DNMBP: variants seen among roughly 807,000 people sequenced by gnomAD.
DNMBP encodes the protein dynamin-binding protein.
In DNMBP, 87 loss-of-function variants were observed where a neutral mutation model predicts 150.0. That is an observed-to-expected ratio of 0.58 (90% CI 0.49 to 0.69). The LOEUF is 0.69. Ranked by LOEUF, DNMBP falls within the 30% of genes least tolerant of loss-of-function variation. The pLI is 0.00. For missense variants in DNMBP, 1,774 were observed against 1,949.0 expected, an observed-to-expected ratio of 0.91 and a Z score of 1.69; for synonymous variants, 711 against 750.4, an observed-to-expected ratio of 0.95 and a Z score of 0.86.
intron 15 of DNMBP, 116 bp downstream of exon 15, chr10:99,883,895 C>T: frequency 1.2e-6 from 1 of 840,808 alleles, no homozygotes; most frequent in Non-Finnish European, 1.9e-6. Flanking sequence ...GGTTATTTTT[C>T]CCCTTAATCA....
chr10:99,943,736 G>C (rs746607357), intron 4 of DNMBP, among the ~76,000 whole-genome samples: 1 of 152,118 alleles, frequency 6.6e-6, no homozygotes, highest in Non-Finnish European at 1.5e-5. Flanking sequence ...GGGATTCCAA[G>C]GAGGCTGCAG....
intron 16 of DNMBP, 146 bp downstream of exon 16, chr10:99,879,665 T>G: frequency 7.1e-7 from 1 of 1,410,096 alleles, no homozygotes; most frequent in Non-Finnish European, 9.4e-7. Context: ...TGGCAGAGAT[T>G]CCTTGTGTGC....
intron 1 of DNMBP, among the ~76,000 whole-genome samples, chr10:99,980,121 G>A (rs2040766525): frequency 6.6e-6 from 1 of 152,184 alleles, no homozygotes; most frequent in Non-Finnish European, 1.5e-5. Context: ...GAGAGTAAAT[G>A]TATCAGAGAA....
Position 99,955,472 on chromosome 10 carries a change from G to C in DNMBP, c.2002C>G (p.Pro668Ala), listed in dbSNP as rs1478255784. 8 of 1,606,574 alleles carry C rather than the reference G, an allele frequency of 5.0e-6. No individual in the cohort carries two copies. The highest frequency in any genetic ancestry group is 1.3e-5 in the African/African-American group (1 of 74,548). ...VSPKLLSRHR[P>A]TCETLEKEGP... The stretch of plus-strand genomic sequence containing the variant: ...TCCTTTTCTAAGGTCTCACAGGTAG[G>C]ACGGTGTCGAGATAGGAGCTTGGGG... Residue 668 changes from proline to alanine, a missense_variant, in exon 4 of 17, where the codon CCT becomes GCT. Physicochemically the swap from Pro to Ala is conservative, Grantham distance 27. This residue lies in a region of DNMBP where 1,430 missense variants were observed against 1,492.5 expected (regional missense o/e 0.96). Coordinates refer to ENST00000324109, the MANE Select transcript of DNMBP (RefSeq NM_015221.4).
chr10:99,995,677 G>A (rs2040943676), intron 1 of DNMBP, among the ~76,000 whole-genome samples: 1 of 152,224 alleles, frequency 6.6e-6, no homozygotes, highest in Admixed American at 6.5e-5. Flanking sequence ...GTGACTTGGA[G>A]CACCTGTGTC....
Position 99,962,520 on chromosome 10 carries a change from A to G in DNMBP, c.269-5315T>C, listed in dbSNP as rs538191022. On this transcript the variant is annotated intron_variant, in intron 3 of 16. Transcript: ENST00000324109. ...GTGGCGGGCGCCTGTAGTCCCAGCTACCAGGGAGGCTGAGGCAGGAGAACG... is the reference window on the plus strand; with the variant it reads ...GTGGCGGGCGCCTGTAGTCCCAGCTGCCAGGGAGGCTGAGGCAGGAGAACG... 1.4e-4 allele frequency among the ~76,000 whole-genome samples: 21 copies of G among 152,306 alleles called. 1 individual carries two copies. Among genetic ancestry groups the G allele is most frequent in the South Asian group, 8.3e-4 (4 of 4,832 alleles).
chr10:99,963,189 C>A (rs2040582294), intron 3 of DNMBP, among the ~76,000 whole-genome samples: 2 of 151,860 alleles, frequency 1.3e-5, no homozygotes, highest in African/African-American at 4.8e-5. Context: ...CTGCCTCAGC[C>A]TCCTGAGTAG....
At chr10:99,995,613 G>A (rs1401345367) in intron 1 of DNMBP, among the ~76,000 whole-genome samples, 1 of 152,196 alleles carries the variant, frequency 6.6e-6, no homozygotes, top group Non-Finnish European at 1.5e-5. Flanking sequence ...CTTGTTGGGG[G>A]CATTTCATGG....
In DNMBP at chr10:99,885,919, G is replaced by C. The variant is rs374833290; in HGVS notation, c.3619-53C>G. On this transcript the variant is annotated intron_variant, in intron 13 of 16. Transcript: ENST00000324109. ...GAGAAAAGAAGAAAACACGATAAAA[G>C]ATCCCAGAGAAAAGAAGAAAACATG... 6 of 1,467,230 alleles carry C rather than the reference G, an allele frequency of 4.1e-6. No homozygotes were observed. In the African/African-American group the frequency reaches 8.5e-5, roughly 21 times the overall value. The allele number at this position is 1,467,230 out of a possible 1,614,324, so 90.9% of individuals were successfully genotyped here.
chr10:100,007,910 T>C (rs1484914325), intron 1 of DNMBP, among the ~76,000 whole-genome samples: 1 of 152,382 alleles, frequency 6.6e-6, no homozygotes, highest in Non-Finnish European at 1.5e-5. Flanking sequence ...CTATTTCATA[T>C]TAATTGAATT....
chr10:99,885,559 G>A (rs2039443594), intron 14 of DNMBP, 128 bp downstream of exon 14: 2 of 898,078 alleles, frequency 2.2e-6, no homozygotes, highest in South Asian at 2.0e-5. Flanking sequence ...GGGTGAGAAT[G>A]CAACACTATT....
At chr10:99,969,425 C>A (rs76104036) in intron 2 of DNMBP, among the ~76,000 whole-genome samples, 188 bp from the exon 3 acceptor site, 1 of 152,146 alleles carries the variant, frequency 6.6e-6, no homozygotes. Context: ...GCAGGACAGA[C>A]AGAATGCAAT....
chr10:99,969,548 G>T (rs1015179931), intron 2 of DNMBP, among the ~76,000 whole-genome samples: 1 of 152,124 alleles, frequency 6.6e-6, no homozygotes, highest in Non-Finnish European at 1.5e-5. Flanking sequence ...ACAAAAAGTC[G>T]AATTCAGACA....
At chr10:99,894,889 G>T in intron 11 of DNMBP, 57 bp downstream of exon 11, 1 of 1,324,502 alleles carries the variant, frequency 7.6e-7, no homozygotes, top group Non-Finnish European at 1.1e-6. Flanking sequence ...TGATGAACAG[G>T]AAAGGGGACA....
At chr10:99,895,621 G>A (rs1355316530) in intron 10 of DNMBP, among the ~76,000 whole-genome samples, 2 of 152,184 alleles carry the variant, frequency 1.3e-5, no homozygotes, top group South Asian at 2.1e-4. Context: ...GCACTGCCAT[G>A]TCTGCTGAAC....
At chr10:99,996,469 G>A (rs1470127731) in intron 1 of DNMBP, among the ~76,000 whole-genome samples, 2 of 152,142 alleles carry the variant, frequency 1.3e-5, no homozygotes, top group South Asian at 2.1e-4. Context: ...GCAGTGAGCC[G>A]AAATCGCACC....
At chr10:99,999,957 A>G (rs573684091) in intron 1 of DNMBP, among the ~76,000 whole-genome samples, 1 of 152,320 alleles carries the variant, frequency 6.6e-6, no homozygotes, top group Admixed American at 6.5e-5. Context: ...GAGCCAAGCA[A>G]TGGCCTCTAC....
At chr10:100,005,925 T>C (rs1166359089) in intron 1 of DNMBP, among the ~76,000 whole-genome samples, 1 of 152,128 alleles carries the variant, frequency 6.6e-6, no homozygotes, top group Admixed American at 6.5e-5. Context: ...CTGTGAGACA[T>C]GAGATGAATG....
At chr10:99,900,206 G>GT in intron 6 of DNMBP, 140 bp from the exon 7 acceptor site, 1 of 814,476 alleles carries the variant, frequency 1.2e-6, no homozygotes, top group Admixed American at 2.7e-5. Context: ...CCATCAAATA[G>GT]TAAGAAACTT....
Sources: allele counts gnomAD v4.1 joint callset (sites outside exome capture counted in the v4.1 genomes callset), GRCh38; gene constraint gnomAD v4.1.1; regional missense constraint gnomAD v4.1.1; transcripts MANE v1.5; gene names NCBI Gene and HGNC (gene_info 2026-07-23, HGNC 2026-07-21).